The following RIMS2 variants were observed in gnomAD, a reference collection of about 807,000 sequenced individuals.
RIMS2 encodes regulating synaptic membrane exocytosis protein 2.
In RIMS2, 59 loss-of-function variants were observed where a neutral mutation model predicts 174.4. The ratio of observed to expected loss-of-function variants is 0.34; its 90% confidence interval spans 0.27 to 0.42. RIMS2 has a LOEUF of 0.42. RIMS2 is among the 10% of genes least tolerant of loss of function. The probability of loss-of-function intolerance (pLI) is 1.00; values close to 1 mark genes in which losing one functional copy is unlikely to be tolerated. For synonymous variants in RIMS2, 606 were observed against 572.5 expected, an observed-to-expected ratio of 1.06 and a Z score of -0.84; for missense variants, 1,620 against 1,666.3, an observed-to-expected ratio of 0.97 and a Z score of 0.48.
intron 9 of RIMS2, among the ~76,000 whole-genome samples, chr8:103,919,455 TG>T (rs2154529125): frequency 6.6e-6 from 1 of 151,840 alleles, no homozygotes; most frequent in African/African-American, 2.4e-5. Flanking sequence ...TCAGGAAAAT[TG>T]GGAGCTATCT....
intron 2 of RIMS2, among the ~76,000 whole-genome samples, chr8:103,719,706 G>A (rs2097422130): frequency 6.6e-6 from 1 of 152,078 alleles, no homozygotes; most frequent in African/African-American, 2.4e-5. Context: ...AGACCTTTTA[G>A]GATGCATAGA....
chr8:103,614,703 A>G (rs904355786), intron 1 of RIMS2, among the ~76,000 whole-genome samples: 7 of 152,246 alleles, frequency 4.6e-5, no homozygotes, highest in Admixed American at 4.6e-4. Flanking sequence ...TAATCTTTAT[A>G]ATGAAAGTGA....
chr8:103,827,085 T>C (rs2098795758), intron 3 of RIMS2, among the ~76,000 whole-genome samples: 2 of 152,194 alleles, frequency 1.3e-5, no homozygotes, highest in South Asian at 4.1e-4. Flanking sequence ...AAATAACATC[T>C]TAACATTGAG....
intron 2 of RIMS2, among the ~76,000 whole-genome samples, chr8:103,737,902 A>G (rs1468842120): frequency 6.6e-6 from 1 of 152,054 alleles, no homozygotes; most frequent in Non-Finnish European, 1.5e-5. Flanking sequence ...ACCTACTCTC[A>G]TCATATCACT....
In RIMS2 at chr8:103,930,484, G is replaced by A. The variant is rs185918012; in HGVS notation, c.2245-779G>A. Among the ~76,000 whole-genome samples, 210 of 152,190 alleles carry A rather than the reference G, an allele frequency of 1.4e-3. 2 individuals carry two copies. Among genetic ancestry groups the A allele is most frequent in the African/African-American group, 4.3e-3 (178 of 41,538 alleles). The stretch of plus-strand genomic sequence containing the variant: ...ATAGATCCTGACATAGAATCAGACA[G>A]CTAGGTGTGCAGGTGTGAGGTATGT... On this transcript the variant is annotated intron_variant, in intron 11 of 23. Transcript: ENST00000504942.
chr8:103,609,973 C>T (rs1365325028), intron 1 of RIMS2, among the ~76,000 whole-genome samples: 1 of 151,956 alleles, frequency 6.6e-6, no homozygotes, highest in African/African-American at 2.4e-5. Flanking sequence ...GTACGGAATG[C>T]CTTTCTATTT....
intron 1 of RIMS2, among the ~76,000 whole-genome samples, chr8:103,692,383 G>T (rs1453854426): frequency 6.6e-6 from 1 of 152,298 alleles, no homozygotes; most frequent in East Asian, 1.9e-4. Context: ...TCTACCTGGT[G>T]TTCTATTCTA....
At chr8:103,737,774 C>T (rs527304175) in intron 2 of RIMS2, among the ~76,000 whole-genome samples, 48 of 152,240 alleles carry the variant, frequency 3.2e-4, no homozygotes, top group Non-Finnish European at 6.0e-4. Flanking sequence ...ACCTGGAATG[C>T]ACTTCACCAG....
intron 3 of RIMS2, among the ~76,000 whole-genome samples, chr8:103,775,570 A>G (rs1357157763): frequency 6.6e-6 from 1 of 152,170 alleles, no homozygotes; most frequent in Non-Finnish European, 1.5e-5. Context: ...GGTGCATATG[A>G]TGAATGAGAG....
intron 3 of RIMS2, among the ~76,000 whole-genome samples, chr8:103,879,599 C>G (rs2099157812): frequency 6.6e-6 from 1 of 151,458 alleles, no homozygotes; most frequent in South Asian, 2.1e-4. Context: ...ATCTTCCCCC[C>G]AATCTTTTCA....
At chr8:104,059,286 T>A (rs555891936) in intron 19 of RIMS2, among the ~76,000 whole-genome samples, 18,946 of 148,870 alleles carry the variant, frequency 0.13, 1,592 homozygotes, top group Non-Finnish European at 0.19. Context: ...GTCCTTCACA[T>A]CCCTTGTAAG....
intron 3 of RIMS2, among the ~76,000 whole-genome samples, chr8:103,789,534 A>G (rs1448091894): frequency 6.6e-6 from 1 of 152,164 alleles, no homozygotes; most frequent in African/African-American, 2.4e-5. Context: ...AATGGGAGTG[A>G]TATCTCATCA....
chr8:104,131,430 G>A (rs2098472850), intron 19 of RIMS2, among the ~76,000 whole-genome samples: 1 of 152,000 alleles, frequency 6.6e-6, no homozygotes, highest in Admixed American at 6.6e-5. Context: ...GTAGTCTGAG[G>A]AGAAAATATA....
chr8:103,624,388 A>G (rs188160561), intron 1 of RIMS2, among the ~76,000 whole-genome samples: 5 of 152,314 alleles, frequency 3.3e-5, no homozygotes, highest in East Asian at 1.9e-4. Flanking sequence ...GATCTGTACC[A>G]TCAGCTCCAC....
intron 19 of RIMS2, among the ~76,000 whole-genome samples, chr8:104,205,043 C>T (rs1054823592): frequency 7.2e-5 from 11 of 152,100 alleles, no homozygotes; most frequent in African/African-American, 2.7e-4. Flanking sequence ...GGGCATCATC[C>T]TTGGTGACAT....
chr8:103,783,407 C>T (rs1268511486), intron 3 of RIMS2, among the ~76,000 whole-genome samples: 2 of 150,760 alleles, frequency 1.3e-5, no homozygotes, highest in African/African-American at 2.4e-5. Flanking sequence ...TCTCCCAATG[C>T]TATCCCTCCC....
chr8:104,119,162 A>G (rs1196913552), intron 19 of RIMS2, among the ~76,000 whole-genome samples: 1 of 151,340 alleles, frequency 6.6e-6, no homozygotes. Context: ...CCTAGCCAAC[A>G]TGGTAAACCC....
At chr8:104,221,146 T>C (rs1356358062) in intron 19 of RIMS2, among the ~76,000 whole-genome samples, 1 of 152,182 alleles carries the variant, frequency 6.6e-6, no homozygotes, top group Non-Finnish European at 1.5e-5. Context: ...TTTTACCCTT[T>C]AATCTAAATT....
In RIMS2 at chr8:103,781,738, C is replaced by CT. The variant is rs11308922; in HGVS notation, c.698+15227dup. 7.8e-3 allele frequency among the ~76,000 whole-genome samples: 688 copies of CT among 88,412 alleles called. 40 individuals are homozygous for CT. Among genetic ancestry groups the CT allele is most frequent in the African/African-American group, 0.015 (322 of 21,848 alleles). The allele number at this position is 88,412 out of a possible 152,430, so 58.0% of individuals were successfully genotyped here. On this transcript the variant is annotated intron_variant, in intron 3 of 23. Transcript: ENST00000504942. ...TCTTCCGTATATTATCTCCCCTAATCTTTTTTTTTTTTTTTTTTTTTTTTT... is the reference window on the plus strand; with the variant it reads ...TCTTCCGTATATTATCTCCCCTAATCTTTTTTTTTTTTTTTTTTTTTTTTTT...
Sources: gnomAD v4.1 joint callset for allele counts (sites outside exome capture counted in the v4.1 genomes callset) on GRCh38, gnomAD v4.1.1 for gene constraint, MANE v1.5 for transcripts, NCBI Gene and HGNC (gene_info 2026-07-23, HGNC 2026-07-21) for gene names.